IGHMBP2: variants seen among roughly 807,000 people sequenced by gnomAD.
The protein encoded by IGHMBP2 is DNA-binding protein SMUBP-2.
In IGHMBP2, 81 loss-of-function variants were observed where a neutral mutation model predicts 96.0. The observed-to-expected ratio is 0.84, with a 90% CI of 0.71 to 1.01. The LOEUF (loss-of-function observed/expected upper bound fraction) is 1.01, where lower values mean the gene tolerates loss of function less well. IGHMBP2 is among the 50% of genes least tolerant of loss of function. The pLI, the probability that IGHMBP2 is intolerant of heterozygous loss-of-function variation, is 0.00. For missense variants in IGHMBP2, 1,227 were observed against 1,306.3 expected (o/e 0.94, Z 0.94); for synonymous variants, 557 against 548.9 (o/e 1.01, Z -0.21).
At chr11:68,939,379 C>A (rs549772284) in intron 14 of IGHMBP2, among the ~76,000 whole-genome samples, 155 bp from the exon 15 acceptor site, 51 of 152,286 alleles carry the variant, frequency 3.3e-4, no homozygotes, top group African/African-American at 1.2e-3. Context: ...GCCGCTCTCC[C>A]GCCAGGCAGC....
chr11:68,939,885 C>T lies in IGHMBP2; in HGVS notation c.*154C>T. On this transcript the variant is annotated 3_prime_UTR_variant, in exon 15 of 15. Coordinates refer to ENST00000255078, the MANE Select transcript of IGHMBP2 (RefSeq NM_002180.3). ...GTTGGGGAAGGTTGGGTTTTTGGAC[C>T]CCAGGGATAAGCTTTTCCGATGTCA... 2.7e-6 allele frequency: 2 copies of T among 742,506 alleles called. No homozygotes were observed. Among genetic ancestry groups the T allele is most frequent in the Middle Eastern group, 4.0e-4 (1 of 2,502 alleles). The allele number at this position is 742,506 out of a possible 1,614,324, so 46.0% of individuals were successfully genotyped here.
chr11:68,906,594 G>C (rs1033616694), intron 2 of IGHMBP2, among the ~76,000 whole-genome samples: 1 of 151,054 alleles, frequency 6.6e-6, no homozygotes, highest in Admixed American at 6.6e-5. Flanking sequence ...TCATATATTG[G>C]GTTAAATAAA....
chr11:68,904,797 C>CTTT, intron 1 of IGHMBP2, among the ~76,000 whole-genome samples: 1 of 86,716 alleles, frequency 1.2e-5, no homozygotes, highest in South Asian at 5.3e-4. Context: ...TCTTTTTTTT[C>CTTT]TTTTTCTTTT....
At chr11:68,917,102 TC>T (rs1858703921) in intron 6 of IGHMBP2, among the ~76,000 whole-genome samples, 2 of 147,320 alleles carry the variant, frequency 1.4e-5, no homozygotes, top group Non-Finnish European at 3.0e-5. Flanking sequence ...TGCCTCAGCC[TC>T]CCGAGTAGCT....
chr11:68,906,939 G>C (rs974799424), intron 2 of IGHMBP2, among the ~76,000 whole-genome samples: 1 of 151,716 alleles, frequency 6.6e-6, no homozygotes, highest in Non-Finnish European at 1.5e-5. Flanking sequence ...AGTGCACCCA[G>C]CCTCTTTTAA....
At chr11:68,935,491 G>A (rs972465111) in intron 12 of IGHMBP2, 69 bp downstream of exon 12, 1 of 1,584,802 alleles carries the variant, frequency 6.3e-7, no homozygotes. Context: ...GGGGCATATT[G>A]GGTGTCTGCT....
At position 68,938,245 on chromosome 11, in the gene IGHMBP2, A is replaced by C. The variant is rs1487837983; in HGVS notation, c.2675A>C (p.Lys892Thr). The C allele has an allele frequency of 6.2e-7, 1 of 1,614,052 alleles. No individual in the cohort carries two copies. Among genetic ancestry groups the C allele is most frequent in the South Asian group, 1.1e-5 (1 of 91,088 alleles). The change falls in exon 14 of 15, where the codon AAG becomes ACG. Residue 892 changes from lysine (K) to threonine (T), a missense_variant. Physicochemically the swap from Lys to Thr is moderately conservative, Grantham distance 78 (BLOSUM62 -1). Transcript: ENST00000255078. ...GAGGCCCTGGTTTCTGCCGCCGTTA[A>C]GGCTGATAACACCTGCGGCTTTGCC... is the stretch of plus-strand genomic sequence containing the variant. ...DFEALVSAAV[K>T]ADNTCGFAKC... is the part of the protein sequence containing the mutation.
chr11:68,936,502 G>T lies in IGHMBP2; in HGVS notation c.2022G>T (p.Arg674Ser), dbSNP rs111366439. 1.9e-6 allele frequency: 3 copies of T among 1,613,706 alleles called. No individual in the cohort carries two copies. The Admixed American group carries it at 5.0e-5, about 27-fold the overall frequency. ...TKPQGPATST[R>S]TGSQRQEGGQ... The stretch of plus-strand genomic sequence containing the variant: ...CCCAGGGACCTGCTACGTCCACCAG[G>T]ACCGGAAGCCAGCGGCAGGAGGGAG... Residue 674 changes from arginine (R) to serine (S), a missense_variant, in exon 13 of 15, where the codon AGG becomes AGT. By Grantham distance (110) the Arg-to-Ser change is moderately radical. Coordinates refer to ENST00000255078, the MANE Select transcript of IGHMBP2 (RefSeq NM_002180.3).
At chr11:68,906,389 GT>G in intron 2 of IGHMBP2, 151 bp downstream of exon 2, 3 of 866,506 alleles carry the variant, frequency 3.5e-6, no homozygotes, top group South Asian at 1.4e-5. Context: ...ATTGATGTGG[GT>G]TTTAGTTGTC....
chr11:68,934,689 T>A (rs1000470474), intron 11 of IGHMBP2, 131 bp downstream of exon 11: 10 of 749,694 alleles, frequency 1.3e-5, no homozygotes, highest in Non-Finnish European at 2.3e-5. Context: ...TTATTGTGAC[T>A]GGATCCAGGG....
chr11:68,914,444 A>C (rs1240009506), intron 5 of IGHMBP2, among the ~76,000 whole-genome samples: 3 of 152,270 alleles, frequency 2.0e-5, no homozygotes, highest in African/African-American at 7.2e-5. Context: ...TGCTGCTCAG[A>C]CCTGCAGGGG....
intron 6 of IGHMBP2, among the ~76,000 whole-genome samples, chr11:68,916,123 A>G (rs1858658767): frequency 6.6e-6 from 1 of 152,028 alleles, no homozygotes; most frequent in South Asian, 2.1e-4. Flanking sequence ...GCAGTGAGCC[A>G]TGGTCACTCC....
chr11:68,917,351 G>A (rs1346706393), intron 6 of IGHMBP2, among the ~76,000 whole-genome samples: 1 of 152,098 alleles, frequency 6.6e-6, no homozygotes, highest in Non-Finnish European at 1.5e-5. Context: ...TTAATCTCTT[G>A]AAAAATGTAG....
chr11:68,918,108 C>G (rs1339627751), intron 7 of IGHMBP2, among the ~76,000 whole-genome samples: 1 of 152,154 alleles, frequency 6.6e-6, no homozygotes, highest in Non-Finnish European at 1.5e-5. Flanking sequence ...GGTTGTTTTT[C>G]TTCCATGAGC....
chr11:68,933,434 C>T lies in IGHMBP2; in HGVS notation c.1371C>T (p.Tyr457=). 1 of 1,613,322 alleles carries T rather than the reference C, an allele frequency of 6.2e-7. No homozygotes were observed. Among genetic ancestry groups the T allele is most frequent in the Non-Finnish European group, 8.5e-7 (1 of 1,179,940 alleles). Residue 457 remains tyrosine (Y), a synonymous_variant, in exon 9 of 15, where the codon TAC becomes TAT. Coordinates refer to ENST00000255078, the MANE Select transcript of IGHMBP2 (RefSeq NM_002180.3). ...AIMRWASDTM[Y]LGQLTAHSSV... Reference sequence around the variant, plus strand: ...TGCGCTGGGCCTCAGACACCATGTACCTTGGGCAGCTCACAGCCCACTCTT... The same window carrying T: ...TGCGCTGGGCCTCAGACACCATGTATCTTGGGCAGCTCACAGCCCACTCTT...
intron 7 of IGHMBP2, among the ~76,000 whole-genome samples, chr11:68,918,942 G>A (rs186422664): frequency 2.0e-4 from 31 of 152,100 alleles, no homozygotes; most frequent in Non-Finnish European, 4.4e-5. Flanking sequence ...GCTTCTTAAT[G>A]TAGAAGCTGA....
chr11:68,903,948 C>A lies in IGHMBP2; in HGVS notation c.-5C>A, dbSNP rs765237978. 6.3e-7 allele frequency: 1 copy of A among 1,575,414 alleles called. No homozygotes were observed. Among genetic ancestry groups the A allele is most frequent in the Non-Finnish European group, 8.6e-7 (1 of 1,160,828 alleles). On this transcript the variant is annotated 5_prime_UTR_variant, in exon 1 of 15. Coordinates refer to ENST00000255078, the MANE Select transcript of IGHMBP2 (RefSeq NM_002180.3). ...GGCTTCTAGGGGCCCAGGCCGGCGGCGGCGATGGCCTCGGCAGCTGTGGAG... is the reference window on the plus strand; with the variant it reads ...GGCTTCTAGGGGCCCAGGCCGGCGGAGGCGATGGCCTCGGCAGCTGTGGAG...
Position 68,936,992 on chromosome 11 carries a change from C to G in IGHMBP2, c.2512C>G (p.Leu838Val), listed in dbSNP as rs1474119599. 6.2e-7 allele frequency: 1 copy of G among 1,609,490 alleles called. No individual in the cohort carries two copies. The highest frequency in any genetic ancestry group is 1.1e-5 in the South Asian group (1 of 90,848). ...TCTGAGGACGCTGCACCTGGAGAGA[C>G]TGCAGAGGGTCAGGAGCGCGCAGGG... Reference protein sequence around the residue: ...PDLRTLHLERLQRVRSAQGQP... With the variant: ...PDLRTLHLERVQRVRSAQGQP... The change falls in exon 13 of 15, where the codon CTG becomes GTG. Residue 838 changes from leucine (L) to valine (V), a missense_variant. Transcript: ENST00000255078.
Position 68,915,166 on chromosome 11 carries a change from C to CTTTTTTTTTTTTTTTTTTTTTTTTTTTTT in IGHMBP2, c.912+145_912+173dup, listed in dbSNP as rs71043470. The CTTTTTTTTTTTTTTTTTTTTTTTTTTTTT allele has an allele frequency of 1.1e-4, 23 of 206,378 alleles. 1 individual carries two copies. Among genetic ancestry groups the CTTTTTTTTTTTTTTTTTTTTTTTTTTTTT allele is most frequent in the East Asian group, 2.0e-4 (2 of 10,038 alleles). The allele number at this position is 206,378 out of a possible 1,614,324, so 12.8% of individuals were successfully genotyped here. Reference sequence around the variant, plus strand: ...TAATAATTTTAAAAATTGGGCTGCCCTTTTTTTTTTTTTTTTTTTTTTTTT... The same window carrying CTTTTTTTTTTTTTTTTTTTTTTTTTTTTT: ...TAATAATTTTAAAAATTGGGCTGCCCTTTTTTTTTTTTTTTTTTTTTTTTTTTTTTTTTTTTTTTTTTTTTTTTTTTTTT... On this transcript the variant is annotated intron_variant, in intron 6 of 14. Coordinates refer to ENST00000255078, the MANE Select transcript of IGHMBP2 (RefSeq NM_002180.3).
Sources: gnomAD v4.1 joint callset for allele counts (sites outside exome capture counted in the v4.1 genomes callset) on GRCh38, gnomAD v4.1.1 for gene constraint, MANE v1.5 for transcripts, NCBI Gene and HGNC (gene_info 2026-07-23, HGNC 2026-07-21) for gene names.